Variants in USP12 observed in about 807,000 individuals in gnomAD.
USP12 encodes the protein ubiquitin carboxyl-terminal hydrolase 12.
A neutral mutation model predicts 45.5 loss-of-function variants in USP12; 19 were observed. That is an observed-to-expected ratio of 0.42 (90% CI 0.29 to 0.61). The LOEUF is 0.61. Among genes scored for constraint, USP12 ranks in the 20% least tolerant of loss-of-function variants. USP12 has a pLI of 0.22. For synonymous variants in USP12, 149 were observed against 148.8 expected, an observed-to-expected ratio of 1.00 and a Z score of -0.01; for missense variants, 242 against 447.7, an observed-to-expected ratio of 0.54 and a Z score of 4.15.
intron 1 of USP12, among the ~76,000 whole-genome samples, chr13:27,133,813 G>T (rs1379535321): frequency 1.3e-5 from 2 of 152,102 alleles, no homozygotes; most frequent in East Asian, 3.9e-4. Flanking sequence ...TCAGAAAAAT[G>T]TCCTAATTTT....
At chr13:27,079,209 C>CTG (rs554477474) in intron 6 of USP12, among the ~76,000 whole-genome samples, 127,069 of 132,292 alleles carry the variant, frequency 0.96, 61,234 homozygotes, top group East Asian at 1. Flanking sequence ...GTCGTGCTCC[C>CTG]TGTGTGGGGC....
chr13:27,154,632 A>G (rs777992196), intron 1 of USP12, among the ~76,000 whole-genome samples: 13 of 152,138 alleles, frequency 8.5e-5, no homozygotes, highest in Admixed American at 1.3e-4. Context: ...CCTCTAATAC[A>G]TTTTTTAAAG....
At chr13:27,155,641 A>G (rs1282709360) in intron 1 of USP12, among the ~76,000 whole-genome samples, 1 of 152,244 alleles carries the variant, frequency 6.6e-6, no homozygotes, top group Admixed American at 6.5e-5. Flanking sequence ...AGTAGTAAAT[A>G]TATAACCCTG....
chr13:27,159,797 T>C (rs1211553783), intron 1 of USP12, among the ~76,000 whole-genome samples: 2 of 152,162 alleles, frequency 1.3e-5, no homozygotes, highest in African/African-American at 4.8e-5. Context: ...ACTTTACAAG[T>C]CAGGGAAGAT....
chr13:27,102,373 T>G lies in USP12; in HGVS notation c.343+3358A>C, dbSNP rs74041186. The stretch of plus-strand genomic sequence containing the variant: ...GGCTGGTCTCCTGCCTCTACTCTCA[T>G]GCTGCCCAGGCCCACCCAGCAGCCA... On this transcript the variant is annotated intron_variant, in intron 3 of 8. Transcript: ENST00000282344. 9.8e-3 allele frequency among the ~76,000 whole-genome samples: 1,488 copies of G among 152,308 alleles called. 30 individuals are homozygous for G. The highest frequency in any genetic ancestry group is 0.034 in the African/African-American group (1,419 of 41,578).
intron 1 of USP12, among the ~76,000 whole-genome samples, chr13:27,147,777 A>T (rs139583119): frequency 0.011 from 1,658 of 152,252 alleles, 29 homozygotes; most frequent in African/African-American, 0.035. Context: ...AAAAAATTTT[A>T]AAAAACCGTC....
intron 1 of USP12, among the ~76,000 whole-genome samples, chr13:27,160,980 G>A (rs931678789): frequency 2.0e-5 from 3 of 151,856 alleles, no homozygotes; most frequent in Admixed American, 6.6e-5. Context: ...AGTGTGTAGC[G>A]TTCCCCTCCA....
Position 27,164,318 on chromosome 13 carries a change from G to T in USP12, c.48+7274C>A, listed in dbSNP as rs190435620. Among the ~76,000 whole-genome samples the T allele has an allele frequency of 4.6e-5, 7 of 152,296 alleles. No homozygotes were observed. In the East Asian group the frequency reaches 1.4e-3, roughly 29 times the overall value. ...AATAAACATCTACTTCTTGTTTTCA[G>T]TTGGAAATAAATTTTTATTGGTACG... is the stretch of plus-strand genomic sequence containing the variant. On this transcript the variant is annotated intron_variant, in intron 1 of 8. Transcript: ENST00000282344.
intron 1 of USP12, among the ~76,000 whole-genome samples, chr13:27,153,840 G>C (rs1877694112): frequency 6.6e-6 from 1 of 152,018 alleles, no homozygotes; most frequent in African/African-American, 2.4e-5. Context: ...TGCTCTGTTG[G>C]TTTTCTTCAG....
At chr13:27,169,348 G>A (rs1434366630) in intron 1 of USP12, among the ~76,000 whole-genome samples, 1 of 152,114 alleles carries the variant, frequency 6.6e-6, no homozygotes, top group Non-Finnish European at 1.5e-5. Flanking sequence ...GCAGGGAGGA[G>A]CGTTCCAAGC....
At chr13:27,094,936 C>T (rs1346669042) in intron 4 of USP12, among the ~76,000 whole-genome samples, 2 of 151,878 alleles carry the variant, frequency 1.3e-5, no homozygotes, top group Non-Finnish European at 2.9e-5. Context: ...CTGCTTGAGC[C>T]CAGGAGTTCA....
chr13:27,121,426 AT>A lies in USP12; in HGVS notation c.49-4831del, dbSNP rs549757382. Among the ~76,000 whole-genome samples the A allele has an allele frequency of 1.1e-4, 17 of 152,288 alleles. No individual in the cohort carries two copies. The East Asian group carries it at 2.9e-3, about 26-fold the overall frequency. ...ACAAATTCGCTCTGGAATGAGACAA[AT>A]TCAATCCACCCACGAAGAATTCCTA... is the stretch of plus-strand genomic sequence containing the variant. On this transcript the variant is annotated intron_variant, in intron 1 of 8. Transcript: ENST00000282344.
chr13:27,076,751 A>G (rs1026470549), intron 6 of USP12, among the ~76,000 whole-genome samples: 1 of 152,224 alleles, frequency 6.6e-6, no homozygotes, highest in African/African-American at 2.4e-5. Context: ...TAAGTGAAAA[A>G]AAAAATCATT....
At chr13:27,153,859 G>A (rs1025906247) in intron 1 of USP12, among the ~76,000 whole-genome samples, 1 of 152,064 alleles carries the variant, frequency 6.6e-6, no homozygotes, top group African/African-American at 2.4e-5. Context: ...AGACTTACAA[G>A]CAAAATGAGA....
chr13:27,105,742 C>T lies in USP12; in HGVS notation c.332G>A (p.Arg111Gln), dbSNP rs758103953. Reference protein sequence around the residue: ...IPPKKFITRLRKENELFDNYM... With the variant: ...IPPKKFITRLQKENELFDNYM... ...GGAAGTAGAATTACCATTTTCTTTC[C>T]GTAATCTTGTGATGAACTTCTTAGG... is the stretch of plus-strand genomic sequence containing the variant. The change falls in exon 3 of 9, where the codon CGG becomes CAG. Residue 111 changes from arginine (R) to glutamine (Q), a missense_variant. Physicochemically the swap from Arg to Gln is conservative, Grantham distance 43. This residue lies in a region of USP12 where 77 missense variants were observed against 153.7 expected (regional missense o/e 0.50). Transcript: ENST00000282344. 10 of 1,612,894 alleles carry T rather than the reference C, an allele frequency of 6.2e-6. No homozygotes were observed. The highest frequency in any genetic ancestry group is 3.3e-5 in the Admixed American group (2 of 59,900).
intron 3 of USP12, among the ~76,000 whole-genome samples, chr13:27,102,521 C>CTTA (rs1475044135): frequency 6.6e-6 from 1 of 152,236 alleles, no homozygotes; most frequent in Non-Finnish European, 1.5e-5. Context: ...TTATCTTCAT[C>CTTA]TTATTCCACT....
At chr13:27,169,901 G>A (rs1878509335) in intron 1 of USP12, among the ~76,000 whole-genome samples, 1 of 152,206 alleles carries the variant, frequency 6.6e-6, no homozygotes, top group African/African-American at 2.4e-5. Flanking sequence ...GTACTTGAGT[G>A]AATGAACAGT....
At chr13:27,132,463 A>C (rs1378761976) in intron 1 of USP12, among the ~76,000 whole-genome samples, 1 of 152,206 alleles carries the variant, frequency 6.6e-6, no homozygotes, top group Non-Finnish European at 1.5e-5. Context: ...AAGCAAAGGA[A>C]CAGAAATATA....
intron 7 of USP12, among the ~76,000 whole-genome samples, chr13:27,072,183 T>A (rs947200624): frequency 6.6e-6 from 1 of 152,164 alleles, no homozygotes; most frequent in Non-Finnish European, 1.5e-5. Context: ...TCTATTTCTG[T>A]ATTTATTTAG....
Sources: allele counts gnomAD v4.1 joint callset (sites outside exome capture counted in the v4.1 genomes callset), GRCh38; gene constraint gnomAD v4.1.1; regional missense constraint gnomAD v4.1.1; transcripts MANE v1.5; gene names NCBI Gene and HGNC (gene_info 2026-07-23, HGNC 2026-07-21).